The following PREX2 variants were observed in gnomAD, a reference collection of about 807,000 sequenced individuals.
The protein encoded by PREX2 is phosphatidylinositol 3,4,5-trisphosphate-dependent Rac exchanger 2 protein.
PREX2 carries 107 observed loss-of-function variants against 203.2 expected under a neutral mutation model. The observed-to-expected ratio is 0.53, with a 90% CI of 0.45 to 0.62. PREX2 has a LOEUF of 0.62. Ranked by LOEUF, PREX2 falls within the 20% of genes least tolerant of loss-of-function variation. The probability of loss-of-function intolerance (pLI) is 0.00; values close to 1 mark genes in which losing one functional copy is unlikely to be tolerated. For synonymous variants in PREX2, 672 were observed against 663.6 expected (o/e 1.01, Z -0.19); for missense variants, 1,777 against 1,955.9 (o/e 0.91, Z 1.72).
Position 68,108,090 on chromosome 8 carries a change from T to A in PREX2, c.2716-19T>A. On this transcript the variant is annotated intron_variant, in intron 23 of 39. Transcript: ENST00000288368. ...TTACTGTGTGTTCAACTGCTTTTTA[T>A]GTTTTCTTTAATTTGCAGTTTTCTC... 6.4e-7 allele frequency: 1 copy of A among 1,565,076 alleles called. No homozygotes were observed. The highest frequency in any genetic ancestry group is 8.7e-7 in the Non-Finnish European group (1 of 1,144,040).
chr8:68,215,293 C>T (rs913353517), intron 37 of PREX2, among the ~76,000 whole-genome samples: 2 of 152,110 alleles, frequency 1.3e-5, no homozygotes, highest in African/African-American at 4.8e-5. Context: ...TAAGTGAGTA[C>T]ACGAGAGATA....
At position 68,109,492 on chromosome 8, in the gene PREX2, G is replaced by A. The variant is rs1194040725; in HGVS notation, c.3015G>A (p.Gln1005=). ...MAAPSGLSLG[Q]QDGHGLRYLL... ...CCCCTTCAGGTCTGTCTCTGGGACA[G>A]CAGGATGGCCATGGTCTCAGGTATC... The change falls in exon 25 of 40, where the codon CAG becomes CAA. Residue 1005 remains glutamine (Q), a synonymous_variant. Coordinates refer to ENST00000288368, the MANE Select transcript of PREX2 (RefSeq NM_024870.4). 2 of 1,613,938 alleles carry A rather than the reference G, an allele frequency of 1.2e-6. No individual in the cohort carries two copies. The highest frequency in any genetic ancestry group is 1.7e-6 in the Non-Finnish European group (2 of 1,179,944).
At position 68,041,332 on chromosome 8, in the gene PREX2, C is replaced by T. The variant is rs1808191348; in HGVS notation, c.839+3040C>T. The stretch of plus-strand genomic sequence containing the variant: ...TCTCTTATAATGAGTCTTCTTAAAT[C>T]AGTTATCAAGATGCCCAGAGCAAGT... On this transcript the variant is annotated intron_variant, in intron 7 of 39. Coordinates refer to ENST00000288368, the MANE Select transcript of PREX2 (RefSeq NM_024870.4). Among the ~76,000 whole-genome samples, 2 of 152,064 alleles carry T rather than the reference C, an allele frequency of 1.3e-5. 1 individual carries two copies. The highest frequency in any genetic ancestry group is 4.2e-4 in the South Asian group (2 of 4,816).
At chr8:68,226,306 G>A (rs899070085) in intron 39 of PREX2, among the ~76,000 whole-genome samples, 11 of 152,130 alleles carry the variant, frequency 7.2e-5, no homozygotes, top group Non-Finnish European at 1.3e-4. Context: ...TTAAAAAGAT[G>A]AGGTGAAGAA....
At chr8:68,051,575 T>C (rs987903872) in intron 8 of PREX2, among the ~76,000 whole-genome samples, 1 of 152,192 alleles carries the variant, frequency 6.6e-6, no homozygotes, top group African/African-American at 2.4e-5. Context: ...CTCAGTTGGT[T>C]ATTTTTATAG....
chr8:68,006,293 G>A lies in PREX2; in HGVS notation c.142-11553G>A, dbSNP rs192470838. The stretch of plus-strand genomic sequence containing the variant: ...GATGAAGGGAGGCACCAGTTTCCCC[G>A]CTGAGATGCAGTATAACCTGTCTCA... On this transcript the variant is annotated intron_variant, in intron 1 of 39. Coordinates refer to ENST00000288368, the MANE Select transcript of PREX2 (RefSeq NM_024870.4). Among the ~76,000 whole-genome samples the A allele has an allele frequency of 3.9e-5, 6 of 152,260 alleles. No individual in the cohort carries two copies. The East Asian group carries it at 1.2e-3, about 29-fold the overall frequency.
intron 7 of PREX2, among the ~76,000 whole-genome samples, chr8:68,041,902 T>C (rs948658439): frequency 1.3e-5 from 2 of 152,118 alleles, no homozygotes; most frequent in Non-Finnish European, 2.9e-5. Context: ...ATGACTGGAA[T>C]TGCACATTAA....
chr8:68,096,147 T>C (rs2031528589), intron 21 of PREX2, among the ~76,000 whole-genome samples: 1 of 152,140 alleles, frequency 6.6e-6, no homozygotes, highest in African/African-American at 2.4e-5. Flanking sequence ...TCTCAGGACC[T>C]TATTCTGAGG....
Position 67,999,466 on chromosome 8 carries a change from T to C in PREX2, c.142-18380T>C, listed in dbSNP as rs373402130. ...GCTCCAAAATTGAATCAGTAATAAA[T>C]AGCCAACAAACCAAAAAAAAAAAAA... On this transcript the variant is annotated intron_variant, in intron 1 of 39. Transcript: ENST00000288368. Among the ~76,000 whole-genome samples, 21 of 37,016 alleles carry C rather than the reference T, an allele frequency of 5.7e-4. No individual in the cohort carries two copies. In the East Asian group the frequency reaches 0.016, roughly 28 times the overall value. The allele number at this position is 37,016 out of a possible 152,430, so 24.3% of individuals were successfully genotyped here. A position where few individuals can be genotyped will look rare whatever the true frequency, so the allele number is the denominator to read the frequency against.
At chr8:68,186,776 T>C (rs1159063257) in intron 35 of PREX2, among the ~76,000 whole-genome samples, 1 of 152,210 alleles carries the variant, frequency 6.6e-6, no homozygotes, top group Non-Finnish European at 1.5e-5. Flanking sequence ...CCTCCCAAAG[T>C]GCTGGGATTA....
intron 1 of PREX2, among the ~76,000 whole-genome samples, chr8:68,008,238 A>G (rs1182525478): frequency 6.6e-6 from 1 of 152,200 alleles, no homozygotes; most frequent in Non-Finnish European, 1.5e-5. Context: ...AATACTCAGG[A>G]TATTTTCTGG....
In PREX2 at chr8:67,952,151, G is replaced by A; in HGVS notation, c.-244G>A. On this transcript the variant is annotated 5_prime_UTR_variant, in exon 1 of 40. Transcript: ENST00000288368. The stretch of plus-strand genomic sequence containing the variant: ...AGCGGGGCCGGGCGCGCAGGGCCTG[G>A]CCGGAGCCCCCACTCCCAGGAGTTT... The A allele has an allele frequency of 2.9e-6, 1 of 346,110 alleles. No individual in the cohort carries two copies. The highest frequency in any genetic ancestry group is 5.1e-6 in the Non-Finnish European group (1 of 196,202). 21.4% of individuals were successfully genotyped at this position (346,110 alleles called of 1,614,324 possible). A position where few individuals can be genotyped will look rare whatever the true frequency, so the allele number is the denominator to read the frequency against.
chr8:68,021,615 A>G (rs555648861), intron 3 of PREX2, among the ~76,000 whole-genome samples: 2 of 152,236 alleles, frequency 1.3e-5, no homozygotes, highest in African/African-American at 2.4e-5. Flanking sequence ...CTGCCTAGGA[A>G]TCATGGATTC....
intron 35 of PREX2, among the ~76,000 whole-genome samples, chr8:68,187,017 G>A (rs1389756709): frequency 6.6e-6 from 1 of 151,166 alleles, no homozygotes; most frequent in Non-Finnish European, 1.5e-5. Context: ...TTAACTGGCT[G>A]AATCAATGAC....
In PREX2 at chr8:68,055,978, G is replaced by A. The variant is rs545925701; in HGVS notation, c.1238+4G>A. 6.2e-7 allele frequency: 1 copy of A among 1,605,466 alleles called. No homozygotes were observed. Among genetic ancestry groups the A allele is most frequent in the Non-Finnish European group, 8.5e-7 (1 of 1,177,574 alleles). On this transcript the variant is annotated splice_donor_region_variant and intron_variant, in intron 10 of 39. Coordinates refer to ENST00000288368, the MANE Select transcript of PREX2 (RefSeq NM_024870.4). ...TCCCTAAATGCTTTCTTGGAAGGTAGGGTTGGGAGTTTGGGTGCATGACTT... is the reference window on the plus strand; with the variant it reads ...TCCCTAAATGCTTTCTTGGAAGGTAAGGTTGGGAGTTTGGGTGCATGACTT...
intron 35 of PREX2, chr8:68,177,260 CA>C (rs1367237205): frequency 6.6e-6 from 1 of 152,118 alleles, no homozygotes; most frequent in African/African-American, 2.4e-5. Flanking sequence ...ATTTTGCAAT[CA>C]AAAATAAAAG....
chr8:67,969,812 C>T (rs553923727), intron 1 of PREX2, among the ~76,000 whole-genome samples: 1 of 152,264 alleles, frequency 6.6e-6, no homozygotes, highest in South Asian at 2.1e-4. Flanking sequence ...GTTCATTTTG[C>T]TACCGCTGTG....
intron 25 of PREX2, among the ~76,000 whole-genome samples, chr8:68,112,000 C>T (rs1563551193): frequency 6.6e-6 from 1 of 152,104 alleles, no homozygotes; most frequent in African/African-American, 2.4e-5. Flanking sequence ...GTGAAAGGTC[C>T]TGGGGTTGAG....
chr8:68,078,395 T>C (rs1284106631), intron 15 of PREX2, among the ~76,000 whole-genome samples: 1 of 152,200 alleles, frequency 6.6e-6, no homozygotes, highest in Non-Finnish European at 1.5e-5. Flanking sequence ...ACTCCTGACC[T>C]CAAGTAATTT....
Sources: allele counts gnomAD v4.1 joint callset (sites outside exome capture counted in the v4.1 genomes callset), GRCh38; gene constraint gnomAD v4.1.1; transcripts MANE v1.5; gene names NCBI Gene and HGNC (gene_info 2026-07-23, HGNC 2026-07-21).